The following PRKCQ variants were observed in gnomAD, a reference collection of about 807,000 sequenced individuals.
The protein encoded by PRKCQ is protein kinase C theta type.
In PRKCQ, 41 loss-of-function variants were observed where a neutral mutation model predicts 91.2. The ratio of observed to expected loss-of-function variants is 0.45; its 90% CI spans 0.35 to 0.58. PRKCQ has a LOEUF of 0.58. PRKCQ is among the 20% of genes least tolerant of loss of function. The pLI is 0.00. For synonymous variants in PRKCQ, 307 were observed against 316.9 expected (o/e 0.97, Z 0.33); for missense variants, 673 against 896.5 (o/e 0.75, Z 3.18).
intron 2 of PRKCQ, among the ~76,000 whole-genome samples, chr10:6,513,485 G>A (rs1393469787): frequency 2.1e-5 from 3 of 145,310 alleles, no homozygotes; most frequent in Admixed American, 1.4e-4. Context: ...GGAAGCAAAT[G>A]TCAGGGAGAC....
chr10:6,522,088 C>G (rs143948866), intron 1 of PRKCQ, among the ~76,000 whole-genome samples: 60 of 152,202 alleles, frequency 3.9e-4, no homozygotes, highest in African/African-American at 1.4e-3. Flanking sequence ...ATTACAGGTG[C>G]GTGCCACCAC....
the PRKCQ span, among the ~76,000 whole-genome samples, chr10:6,401,198 C>T: frequency 2.6e-4 from 40 of 152,264 alleles, no homozygotes; most frequent in African/African-American, 9.6e-4. Context: ...CTAATCAAAT[C>T]GCTATGACAT....
intron 1 of PRKCQ, among the ~76,000 whole-genome samples, chr10:6,538,761 T>C (rs1439871754): frequency 6.6e-6 from 1 of 152,208 alleles, no homozygotes; most frequent in South Asian, 2.1e-4. Context: ...TTCCATACTC[T>C]CTAGAAATGA....
At chr10:6,553,104 T>A (rs1009739959) in intron 1 of PRKCQ, among the ~76,000 whole-genome samples, 36 of 152,284 alleles carry the variant, frequency 2.4e-4, no homozygotes, top group African/African-American at 7.9e-4. Flanking sequence ...CTGGAAAACT[T>A]CAAGGTACAG....
At position 6,465,250 on chromosome 10, in the gene PRKCQ, A is replaced by G. The variant is rs17300755; in HGVS notation, c.1354-846T>C. On this transcript the variant is annotated intron_variant, in intron 12 of 17. Coordinates refer to ENST00000263125, the MANE Select transcript of PRKCQ (RefSeq NM_006257.5). The surrounding 1 kb of genome is among the most constrained non-coding windows in gnomAD (Gnocchi z 4.4). ...CATTCCTCCCTGAAGCTTGCAATCA[A>G]GTTTAACCTTATTTTTCTCCAGTCC... Among the ~76,000 whole-genome samples, 2,350 of 152,198 alleles carry G rather than the reference A, an allele frequency of 0.015. 26 individuals carry two copies. The highest frequency in any genetic ancestry group is 0.035 in the South Asian group (167 of 4,824).
chr10:6,476,492 T>G (rs2130756189), intron 12 of PRKCQ, among the ~76,000 whole-genome samples: 1 of 152,364 alleles, frequency 6.6e-6, no homozygotes, highest in South Asian at 2.1e-4. Flanking sequence ...TTTTCATGCT[T>G]ATACATGCAA....
chr10:6,574,182 T>C (rs1258348041), intron 1 of PRKCQ, among the ~76,000 whole-genome samples: 1 of 152,304 alleles, frequency 6.6e-6, no homozygotes, highest in South Asian at 2.1e-4. Flanking sequence ...TAGTTGTTCA[T>C]GAATTAAGTG....
intron 1 of PRKCQ, among the ~76,000 whole-genome samples, chr10:6,559,584 C>T (rs1183942428): frequency 6.6e-6 from 1 of 152,150 alleles, no homozygotes; most frequent in African/African-American, 2.4e-5. Context: ...GTCTCGAACT[C>T]CTGACCTCAG....
At chr10:6,395,560 G>A in the PRKCQ span, among the ~76,000 whole-genome samples, 3 of 152,142 alleles carry the variant, frequency 2.0e-5, no homozygotes, top group Admixed American at 2.0e-4. Context: ...GCCTCCAATT[G>A]CGTGACTCCT....
intron 1 of PRKCQ, among the ~76,000 whole-genome samples, chr10:6,560,595 C>T (rs976818812): frequency 5.3e-5 from 8 of 152,110 alleles, no homozygotes; most frequent in Non-Finnish European, 8.8e-5. Context: ...AATTTTTCTC[C>T]GTATTCATTT....
At chr10:6,447,833 G>GTTC (rs1174390641) in intron 15 of PRKCQ, among the ~76,000 whole-genome samples, 1 of 152,156 alleles carries the variant, frequency 6.6e-6, no homozygotes, top group Non-Finnish European at 1.5e-5. Context: ...AGACAGCAGC[G>GTTC]GAACACTCAT....
chr10:6,528,044 T>A (rs781169097), intron 1 of PRKCQ, among the ~76,000 whole-genome samples: 1 of 152,106 alleles, frequency 6.6e-6, no homozygotes, highest in African/African-American at 2.4e-5. Flanking sequence ...ATTTACCTTA[T>A]CTTATGTAAG....
chr10:6,412,131 C>T, the PRKCQ span, among the ~76,000 whole-genome samples: 1 of 152,168 alleles, frequency 6.6e-6, no homozygotes, highest in African/African-American at 2.4e-5. Context: ...CATCATAGCT[C>T]AAGCTCCTCG....
At chr10:6,489,413 C>G (rs776337639) in intron 8 of PRKCQ, 2 of 531,608 alleles carry the variant, frequency 3.8e-6, no homozygotes, top group Non-Finnish European at 7.7e-6. Flanking sequence ...GGCCGTAACT[C>G]AGTTTCTTGG....
At chr10:6,440,999 G>T (rs1833943933) in intron 16 of PRKCQ, among the ~76,000 whole-genome samples, 1 of 152,018 alleles carries the variant, frequency 6.6e-6, no homozygotes, top group Admixed American at 6.6e-5. Context: ...AAAGAAAAAA[G>T]TTATGTGATG....
chr10:6,485,731 C>G (rs1836870104), intron 9 of PRKCQ, among the ~76,000 whole-genome samples: 1 of 152,096 alleles, frequency 6.6e-6, no homozygotes, highest in African/African-American at 2.4e-5. Flanking sequence ...ATTCTATAAC[C>G]CGAATATATT....
intron 12 of PRKCQ, among the ~76,000 whole-genome samples, chr10:6,473,884 A>G (rs1836128238): frequency 6.6e-6 from 1 of 152,194 alleles, no homozygotes; most frequent in African/African-American, 2.4e-5. Context: ...TTAAATGATA[A>G]TAATATCTTG....
intron 8 of PRKCQ, among the ~76,000 whole-genome samples, chr10:6,488,927 G>A (rs1176148415): frequency 3.2e-4 from 48 of 151,900 alleles, no homozygotes; most frequent in Non-Finnish European, 1.5e-5. Flanking sequence ...CCACAGGCGT[G>A]CACACCACTA....
intron 12 of PRKCQ, among the ~76,000 whole-genome samples, chr10:6,469,842 C>T (rs1030794267): frequency 6.6e-6 from 1 of 152,102 alleles, no homozygotes; most frequent in African/African-American, 2.4e-5. Flanking sequence ...TGGAATATTA[C>T]TGAGCAATGA....
Sources: gnomAD v4.1 joint callset for allele counts (sites outside exome capture counted in the v4.1 genomes callset) on GRCh38, gnomAD v4.1.1 for gene constraint, Gnocchi (gnomAD v3.1) non-coding constraint, MANE v1.5 for transcripts, NCBI Gene and HGNC (gene_info 2026-07-23, HGNC 2026-07-21) for gene names.